DNAH11: variants seen among roughly 807,000 people sequenced by gnomAD.
DNAH11 encodes axonemal beta dynein heavy chain 11.
A neutral mutation model predicts 526.0 loss-of-function variants in DNAH11; 442 were observed. The observed-to-expected ratio is 0.84, with a 90% CI of 0.78 to 0.91. The LOEUF is 0.91. Among genes scored for constraint, DNAH11 ranks in the 40% least tolerant of loss-of-function variants. The pLI is 0.00. For synonymous variants in DNAH11, 2,461 were observed against 1,935.9 expected (o/e 1.27, Z -7.12); for missense variants, 6,989 against 5,448.7 (o/e 1.28, Z -8.90).
intron 48 of DNAH11, among the ~76,000 whole-genome samples, chr7:21,740,665 A>C (rs1317132486): frequency 6.6e-6 from 1 of 152,248 alleles, no homozygotes; most frequent in Non-Finnish European, 1.5e-5. Flanking sequence ...AGCTAATGTG[A>C]ATAATGCTGC....
chr7:21,844,414 G>C (rs1401575269), intron 66 of DNAH11, among the ~76,000 whole-genome samples: 1 of 152,206 alleles, frequency 6.6e-6, no homozygotes, highest in Non-Finnish European at 1.5e-5. Flanking sequence ...GACAGAGCAA[G>C]ACTCTGTCTC....
At chr7:21,598,404 C>G (rs1265054060) in intron 14 of DNAH11, among the ~76,000 whole-genome samples, 1 of 152,094 alleles carries the variant, frequency 6.6e-6, no homozygotes, top group African/African-American at 2.4e-5. Flanking sequence ...TTAACCACAC[C>G]TCTGTCTTCA....
intron 68 of DNAH11, among the ~76,000 whole-genome samples, chr7:21,860,485 T>A (rs1197696754): frequency 6.6e-6 from 1 of 152,136 alleles, no homozygotes; most frequent in African/African-American, 2.4e-5. Flanking sequence ...TTAGGAGATA[T>A]CCAAATACCC....
intron 66 of DNAH11, among the ~76,000 whole-genome samples, chr7:21,845,688 T>C (rs1782391125): frequency 6.6e-6 from 1 of 152,180 alleles, no homozygotes; most frequent in Non-Finnish European, 1.5e-5. Context: ...TCTGTATATT[T>C]TTGATGATTC....
chr7:21,696,843 G>C (rs1208509513), intron 35 of DNAH11, among the ~76,000 whole-genome samples: 1 of 152,152 alleles, frequency 6.6e-6, no homozygotes, highest in Non-Finnish European at 1.5e-5. Flanking sequence ...AAGTGAGAGA[G>C]TGCATAAAAA....
intron 2 of DNAH11, among the ~76,000 whole-genome samples, chr7:21,549,686 A>G (rs1426190025): frequency 6.6e-6 from 1 of 152,088 alleles, no homozygotes; most frequent in Non-Finnish European, 1.5e-5. Flanking sequence ...GAGCCCTTGG[A>G]CAGATGTAAT....
chr7:21,770,954 C>T (rs1404478147), intron 55 of DNAH11, among the ~76,000 whole-genome samples: 1 of 152,134 alleles, frequency 6.6e-6, no homozygotes, highest in Non-Finnish European at 1.5e-5. Context: ...CTTTAATAAG[C>T]CACCATGCAA....
chr7:21,750,939 G>A (rs1039794290), intron 54 of DNAH11, among the ~76,000 whole-genome samples: 4 of 152,148 alleles, frequency 2.6e-5, no homozygotes, highest in Admixed American at 6.5e-5. Context: ...GAGATAAGAG[G>A]TTTCTAAATC....
intron 76 of DNAH11, among the ~76,000 whole-genome samples, chr7:21,889,673 C>G (rs780223084): frequency 6.6e-6 from 1 of 152,152 alleles, no homozygotes; most frequent in Non-Finnish European, 1.5e-5. Flanking sequence ...CTTTCATGTT[C>G]TCATTGGCCA....
Position 21,636,021 on chromosome 7 carries a change from G to C in DNAH11, c.4651G>C (p.Val1551Leu). 6.2e-7 allele frequency: 1 copy of C among 1,613,664 alleles called. No homozygotes were observed. Among genetic ancestry groups the C allele is most frequent in the Non-Finnish European group, 8.5e-7 (1 of 1,179,760 alleles). The change falls in exon 26 of 82, where the codon GTC becomes CTC. Residue 1551 changes from valine to leucine, a missense_variant. Val to Leu is a conservative substitution (Grantham distance 32, BLOSUM62 1). Transcript: ENST00000409508. ...RTWSHLESIF[V>L]CSEDIRIQLV... is the part of the protein sequence containing the mutation. ...TTGGTCTCACCTGGAAAGCATTTTT[G>C]TCTGTTCAGAAGATATTCGAATCCA...
chr7:21,739,049 C>T (rs1489154830), intron 47 of DNAH11, among the ~76,000 whole-genome samples, 183 bp downstream of exon 47: 1 of 152,140 alleles, frequency 6.6e-6, no homozygotes, highest in Non-Finnish European at 1.5e-5. Context: ...TATCTCTTTT[C>T]ATCATATTAA....
chr7:21,640,207 A>T (rs1014146734), intron 28 of DNAH11, among the ~76,000 whole-genome samples: 1 of 152,206 alleles, frequency 6.6e-6, no homozygotes, highest in African/African-American at 2.4e-5. Context: ...TAAATTGACT[A>T]TGAATCTACT....
chr7:21,746,754 A>C lies in DNAH11; in HGVS notation c.8510+1691A>C, dbSNP rs192279228. 2.6e-5 allele frequency among the ~76,000 whole-genome samples: 4 copies of C among 152,344 alleles called. No homozygotes were observed. In the East Asian group the frequency reaches 7.7e-4, roughly 29 times the overall value. ...CCTGTCACCACAACTAACTGTTGGT[A>C]GTTTTATTGATCCCTTTGCAGTTGT... is the stretch of plus-strand genomic sequence containing the variant. On this transcript the variant is annotated intron_variant, in intron 51 of 81. Transcript: ENST00000409508.
intron 61 of DNAH11, among the ~76,000 whole-genome samples, chr7:21,790,851 CT>C (rs1443740363): frequency 6.6e-6 from 1 of 152,244 alleles, no homozygotes; most frequent in African/African-American, 2.4e-5. Flanking sequence ...TGAGCATAGG[CT>C]TTCTTTGCCT....
rs140809588 is a variant in DNAH11 at position 21,632,940 on chromosome 7, T to G, written c.4501-2931T>G. ...GACATACCCAAGATTGGGCAATTTG[T>G]AAAAGAAAGAGGTTTATTGGACATA... is the stretch of plus-strand genomic sequence containing the variant. On this transcript the variant is annotated intron_variant, in intron 25 of 81. Transcript: ENST00000409508. Among the ~76,000 whole-genome samples the G allele has an allele frequency of 2.1e-3, 323 of 152,316 alleles. 4 individuals carry two copies. The East Asian group carries it at 0.05, about 24-fold the overall frequency.
chr7:21,591,003 A>G lies in DNAH11; in HGVS notation c.2255A>G (p.Lys752Arg). ...IPDSALAIFK[K>R]RNTILKYIGN... ...GATTCAGCTTTAGCCATCTTCAAGA[A>G]AAGGAACACTATTTTAAAGGTTTGT... The change falls in exon 13 of 82, where the codon AAA (lysine) becomes AGA (arginine). Residue 752 changes from lysine (K) to arginine (R), a missense_variant. Transcript: ENST00000409508. 6.6e-7 allele frequency: 1 copy of G among 1,515,284 alleles called. No individual in the cohort carries two copies. 93.9% of individuals were successfully genotyped at this position (1,515,284 alleles called of 1,614,324 possible). A position where few individuals can be genotyped will look rare whatever the true frequency, so the allele number is the denominator to read the frequency against.
At chr7:21,787,620 C>A in intron 60 of DNAH11, 37 bp downstream of exon 60, 2 of 1,530,480 alleles carry the variant, frequency 1.3e-6, no homozygotes, top group Non-Finnish European at 1.8e-6. Context: ...AGATGTTCTC[C>A]ACAAAGGGCT....
intron 12 of DNAH11, 137 bp downstream of exon 12, chr7:21,589,540 A>T: frequency 1.5e-6 from 1 of 650,946 alleles, no homozygotes. Flanking sequence ...ACAATTTCTT[A>T]CAGGTCTTCA....
Position 21,726,292 on chromosome 7 carries a change from G to A in DNAH11, c.7440+308G>A, listed in dbSNP as rs902378350. Among the ~76,000 whole-genome samples, 6 of 151,902 alleles carry A rather than the reference G, an allele frequency of 3.9e-5. No homozygotes were observed. In the South Asian group the frequency reaches 8.3e-4, roughly 21 times the overall value. On this transcript the variant is annotated intron_variant, in intron 45 of 81. Transcript: ENST00000409508. ...ACTTTCATTAGAATAGTACCAAGAT[G>A]GATGGTGCTAAACCATTTATGAGAA...
Sources: allele counts gnomAD v4.1 joint callset (sites outside exome capture counted in the v4.1 genomes callset), GRCh38; gene constraint gnomAD v4.1.1; transcripts MANE v1.5; gene names NCBI Gene and HGNC (gene_info 2026-07-23, HGNC 2026-07-21).